The following SPTB variants were observed in gnomAD, a reference collection of about 807,000 sequenced individuals.
SPTB encodes spectrin beta chain, erythrocytic.
A neutral mutation model predicts 256.2 loss-of-function variants in SPTB; 45 were observed. The observed-to-expected ratio is 0.18, with a 90% confidence interval of 0.14 to 0.23. SPTB has a LOEUF of 0.23. Among genes scored for constraint, SPTB ranks in the 10% least tolerant of loss-of-function variants. The pLI, the probability that SPTB is intolerant of heterozygous loss-of-function variation, is 1.00. For missense variants in SPTB, 2,715 were observed against 3,040.4 expected, an observed-to-expected ratio of 0.89 and a Z score of 2.52; for synonymous variants, 1,231 against 1,243.1, an observed-to-expected ratio of 0.99 and a Z score of 0.21.
At position 64,841,935 on chromosome 14, in the gene SPTB, G is replaced by C. The variant is rs1321932673; in HGVS notation, c.-51-18790C>G. Reference sequence around the variant, plus strand: ...GCAAATGTTATCTGGAAGCAGCCGGGACAAGAGCACCCCCAGTTCTGAGCA... The same window carrying C: ...GCAAATGTTATCTGGAAGCAGCCGGCACAAGAGCACCCCCAGTTCTGAGCA... On this transcript the variant is annotated intron_variant, in intron 1 of 35. Transcript: ENST00000644917. The surrounding 1 kb of genome is among the most constrained non-coding windows in gnomAD (Gnocchi z 4.6). 2.0e-5 allele frequency among the ~76,000 whole-genome samples: 3 copies of C among 152,170 alleles called. No individual in the cohort carries two copies. The highest frequency in any genetic ancestry group is 4.4e-5 in the Non-Finnish European group (3 of 68,040).
rs2082191229 is a variant in SPTB, at chr14:64,766,795, T to A, written c.6276A>T (p.Gln2092His). 4 of 1,611,332 alleles carry A rather than the reference T, an allele frequency of 2.5e-6. No individual in the cohort carries two copies. Among genetic ancestry groups the A allele is most frequent in the South Asian group, 1.1e-5 (1 of 91,080 alleles). The change falls in exon 32 of 36, where the codon CAA (glutamine) becomes CAT (histidine). Residue 2092 changes from glutamine (Q) to histidine (H), a missense_variant. Coordinates refer to ENST00000644917, the MANE Select transcript of SPTB (RefSeq NM_001355436.2). Reference sequence around the variant, plus strand: ...CCCCTGCTGTCTCGCCTTCCTCCTCTTGAGGCCTAAGGAAGACACAGTCTC... The same window carrying A: ...CCCCTGCTGTCTCGCCTTCCTCCTCATGAGGCCTAAGGAAGACACAGTCTC... The part of the protein sequence containing the change: ...AERPAEETGP[Q>H]EEEGETAGEA...
In SPTB at chr14:64,749,132, G is replaced by T; in HGVS notation, c.*174C>A. 1 of 682,366 alleles carries T rather than the reference G, an allele frequency of 1.5e-6. No homozygotes were observed. The highest frequency in any genetic ancestry group is 2.3e-6 in the Non-Finnish European group (1 of 432,362). 42.3% of individuals were successfully genotyped at this position (682,366 alleles called of 1,614,324 possible). ...CGGGCGAGGGCATGGAGGGGGCGTC[G>T]GCCCAGGACACGCGGGCGAAGGCAG... On this transcript the variant is annotated 3_prime_UTR_variant, in exon 36 of 36. Coordinates refer to ENST00000644917, the MANE Select transcript of SPTB (RefSeq NM_001355436.2). This position sits in a 1 kb window ranked among gnomAD's most constrained non-coding sequence, Gnocchi z 4.7.
chr14:64,800,705 G>A (rs2082867039), intron 8 of SPTB, 51 bp downstream of exon 8: 1 of 1,512,806 alleles, frequency 6.6e-7, no homozygotes, highest in Non-Finnish European at 9.2e-7. Context: ...ACTCTGTCTG[G>A]ACCTGACAAA....
At chr14:64,840,244 A>G (rs1407695759) in intron 1 of SPTB, among the ~76,000 whole-genome samples, 1 of 152,178 alleles carries the variant, frequency 6.6e-6, no homozygotes. Flanking sequence ...CCAATGGTCC[A>G]TTTCCACCTT....
rs1408561845 is a variant in SPTB at position 64,792,887 on chromosome 14, G to C, written c.2666+110C>G. The C allele has an allele frequency of 6.8e-7, 1 of 1,477,692 alleles. No homozygotes were observed. Among genetic ancestry groups the C allele is most frequent in the Non-Finnish European group, 9.3e-7 (1 of 1,071,774 alleles). The allele number at this position is 1,477,692 out of a possible 1,614,324, so 91.5% of individuals were successfully genotyped here. On this transcript the variant is annotated intron_variant, in intron 14 of 35. Transcript: ENST00000644917. The surrounding 1 kb of genome is among the most constrained non-coding windows in gnomAD (Gnocchi z 4.2). Reference sequence around the variant, plus strand: ...GGACTTTGCAACAAAGGACATCCCAGGGCCTCTCAAAGAGACCTTTGCTGA... The same window carrying C: ...GGACTTTGCAACAAAGGACATCCCACGGCCTCTCAAAGAGACCTTTGCTGA...
intron 30 of SPTB, 91 bp from the exon 31 acceptor site, chr14:64,767,443 C>G (rs1173786860): frequency 6.5e-7 from 1 of 1,547,818 alleles, no homozygotes; most frequent in African/African-American, 1.4e-5. Context: ...CCTGCACCCC[C>G]ACATGCCCTG....
In SPTB at chr14:64,823,178, T is replaced by A; in HGVS notation, c.-51-33A>T. ...ACAGCAACACAGTCAGAGGGTTATC[T>A]CTCTACCCCCTCGGACTTTTTCTCC... On this transcript the variant is annotated intron_variant, in intron 1 of 35. Transcript: ENST00000644917. This position sits in a 1 kb window ranked among gnomAD's most constrained non-coding sequence, Gnocchi z 6.5. 2.6e-6 allele frequency: 4 copies of A among 1,541,496 alleles called. No individual in the cohort carries two copies. In the South Asian group the frequency reaches 4.5e-5, roughly 17 times the overall value.
Position 64,802,274 on chromosome 14 carries a change from C to G in SPTB, c.518G>C (p.Arg173Pro), listed in dbSNP as rs146355737. The change falls in exon 5 of 36, where the codon CGC becomes CCC. Residue 173 changes from arginine (R) to proline (P), a missense_variant. Arg to Pro is a moderately radical substitution (Grantham distance 103, BLOSUM62 -2). This residue lies in a region of SPTB where 416 missense variants were observed against 571.1 expected (regional missense o/e 0.73). Coordinates refer to ENST00000644917, the MANE Select transcript of SPTB (RefSeq NM_001355436.2). The surrounding 1 kb of genome is among the most constrained non-coding windows in gnomAD (Gnocchi z 5.1). Reference protein sequence around the residue: ...VVQTQEGRETRSAKDALLLWC... With the variant: ...VVQTQEGRETPSAKDALLLWC... ...CAACAGCAACGCATCCTTGGCTGAG[C>G]GTGTTTCACGACCTTCCTGAGTTTG... The G allele has an allele frequency of 6.2e-7, 1 of 1,614,222 alleles. No individual in the cohort carries two copies. The highest frequency in any genetic ancestry group is 8.5e-7 in the Non-Finnish European group (1 of 1,180,032).
intron 1 of SPTB, 42 bp downstream of exon 1, chr14:64,879,750 C>T (rs1444981376): frequency 6.5e-6 from 1 of 152,842 alleles, no homozygotes; most frequent in East Asian, 1.9e-4. Context: ...CTTGCGCACC[C>T]GCACCCAGCT....
Position 64,760,865 on chromosome 14 carries a change from T to A in SPTB, c.6345+5861A>T, listed in dbSNP as rs229572. 0.28 allele frequency among the ~76,000 whole-genome samples: 41,865 copies of A among 152,074 alleles called. 6,518 individuals are homozygous for A. Among genetic ancestry groups the A allele is most frequent in the African/African-American group, 0.42 (17,504 of 41,462 alleles). ...CACACATTAGTGAGGAATGTTGAGG[T>A]CGCAGGTCTGTCTGGCACCAAACTC... On this transcript the variant is annotated intron_variant, in intron 32 of 35. Coordinates refer to ENST00000644917, the MANE Select transcript of SPTB (RefSeq NM_001355436.2). The surrounding 1 kb of genome is among the most constrained non-coding windows in gnomAD (Gnocchi z 4.3).
At position 64,767,430 on chromosome 14, in the gene SPTB, G is replaced by T; in HGVS notation, c.6220-78C>A. 2.5e-6 allele frequency: 4 copies of T among 1,582,296 alleles called. No homozygotes were observed. The South Asian group carries it at 3.3e-5, about 13-fold the overall frequency. On this transcript the variant is annotated intron_variant, in intron 30 of 35. Transcript: ENST00000644917. Reference sequence around the variant, plus strand: ...TCTCAGACGATCTCCCTCTGGATGCGGCCCTGCACCCCCACATGCCCTGAC... The same window carrying T: ...TCTCAGACGATCTCCCTCTGGATGCTGCCCTGCACCCCCACATGCCCTGAC...
At position 64,764,342 on chromosome 14, in the gene SPTB, C is replaced by T. The variant is rs749316806; in HGVS notation, c.6345+2384G>A. 1.3e-5 allele frequency among the ~76,000 whole-genome samples: 2 copies of T among 152,194 alleles called. No homozygotes were observed. The highest frequency in any genetic ancestry group is 2.1e-4 in the South Asian group (1 of 4,832). ...GGCCCTCCCTCTGAGGTTCGTGGATCCCCATGAGAACTTAACAAAAGGCTC... is the reference window on the plus strand; with the variant it reads ...GGCCCTCCCTCTGAGGTTCGTGGATTCCCATGAGAACTTAACAAAAGGCTC... On this transcript the variant is annotated intron_variant, in intron 32 of 35. Coordinates refer to ENST00000644917, the MANE Select transcript of SPTB (RefSeq NM_001355436.2). The surrounding 1 kb of genome is among the most constrained non-coding windows in gnomAD (Gnocchi z 4.2).
chr14:64,838,682 T>A (rs77369619), intron 1 of SPTB, among the ~76,000 whole-genome samples: 7,835 of 152,046 alleles, frequency 0.052, 716 homozygotes, highest in African/African-American at 0.18. Flanking sequence ...AAACCACAAT[T>A]AGACACCACT....
chr14:64,858,281 C>T (rs2083904045), intron 1 of SPTB, among the ~76,000 whole-genome samples: 1 of 152,188 alleles, frequency 6.6e-6, no homozygotes, highest in South Asian at 2.1e-4. Context: ...AAAGAGGCTG[C>T]TGCAGCAGCG....
chr14:64,774,489 C>T lies in SPTB; in HGVS notation c.4881G>A (p.Leu1627=). The T allele has an allele frequency of 6.4e-7, 1 of 1,555,520 alleles. No homozygotes were observed. Among genetic ancestry groups the T allele is most frequent in the Non-Finnish European group, 8.7e-7 (1 of 1,149,222 alleles). The part of the protein sequence containing the change: ...EGAIVMLKRH[L]RQQRAVEDYG... The stretch of plus-strand genomic sequence containing the variant: ...AGTCCTCCACCGCACGCTGCTGCCG[C>T]AAATGTCGCTTCAGCATCACAATGG... The change falls in exon 24 of 36, where the codon TTG becomes TTA. Residue 1627 remains leucine, a synonymous_variant. Transcript: ENST00000644917.
chr14:64,855,359 C>A (rs1566804802), intron 1 of SPTB, among the ~76,000 whole-genome samples: 1 of 152,144 alleles, frequency 6.6e-6, no homozygotes, highest in African/African-American at 2.4e-5. Flanking sequence ...AAACACCATT[C>A]TTTATGAAAT....
At chr14:64,832,653 C>T (rs754353527) in intron 1 of SPTB, among the ~76,000 whole-genome samples, 1 of 152,214 alleles carries the variant, frequency 6.6e-6, no homozygotes, top group African/African-American at 2.4e-5. Flanking sequence ...CCCTAACCCC[C>T]AGTGGAATCT....
rs751881161 is a variant in SPTB at position 64,772,690 on chromosome 14, C to T, written c.5443G>A (p.Glu1815Lys). The T allele has an allele frequency of 7.4e-6, 12 of 1,613,810 alleles. No individual in the cohort carries two copies. Among genetic ancestry groups the T allele is most frequent in the Middle Eastern group, 1.6e-4 (1 of 6,062 alleles). The change falls in exon 26 of 36, where the codon GAG (glutamate) becomes AAG (lysine). Residue 1815 changes from glutamate to lysine, a missense_variant. Around this residue, in one of 4 missense-constraint regions of SPTB, gnomAD observed 2,239 missense variants for 2,384.4 expected, o/e 0.94. Coordinates refer to ENST00000644917, the MANE Select transcript of SPTB (RefSeq NM_001355436.2). This position sits in a 1 kb window ranked among gnomAD's most constrained non-coding sequence, Gnocchi z 5.4. ...TGAEILGLID[E>K]KHRELPEDVG... ...TCCTCGGGCAGCTCGCGGTGCTTCT[C>T]GTCGATGAGGCCCAGGATCTCGGCA...
At chr14:64,820,986 G>A (rs544277475) in intron 2 of SPTB, among the ~76,000 whole-genome samples, 79 of 152,128 alleles carry the variant, frequency 5.2e-4, no homozygotes, top group South Asian at 4.8e-3. Flanking sequence ...CTTTGTGCTC[G>A]GCTCATTAAC....
Sources: allele counts gnomAD v4.1 joint callset (sites outside exome capture counted in the v4.1 genomes callset), GRCh38; gene constraint gnomAD v4.1.1; regional missense constraint gnomAD v4.1.1; non-coding constraint Gnocchi (gnomAD v3.1); transcripts MANE v1.5; gene names NCBI Gene and HGNC (gene_info 2026-07-23, HGNC 2026-07-21).